XPO1: variants seen among roughly 807,000 people sequenced by gnomAD.
The protein encoded by XPO1 is exportin 1, also known as exportin-1.
XPO1 carries 5 observed loss-of-function variants against 133.3 expected under a neutral mutation model. The observed-to-expected ratio is 0.04, with a 90% CI of 0.02 to 0.08. The LOEUF (loss-of-function observed/expected upper bound fraction) is 0.08, where lower values mean the gene tolerates loss of function less well. XPO1 is among the 10% of genes least tolerant of loss of function. The probability of loss-of-function intolerance (pLI) is 1.00; values close to 1 mark genes in which losing one functional copy is unlikely to be tolerated. For synonymous variants in XPO1, 419 were observed against 408.2 expected (o/e 1.03, Z -0.32); for missense variants, 506 against 1,267.5 (o/e 0.40, Z 9.12).
At chr2:61,513,499 A>G (rs1698199712) in intron 4 of XPO1, among the ~76,000 whole-genome samples, 1 of 150,226 alleles carries the variant, frequency 6.7e-6, no homozygotes, top group African/African-American at 2.5e-5. Context: ...TAATTTTTGT[A>G]TCTTTAGTAG....
chr2:61,495,684 TA>T (rs1316788571), intron 10 of XPO1, 71 bp from the exon 11 acceptor site: 88 of 1,396,374 alleles, frequency 6.3e-5, no homozygotes, highest in Admixed American at 4.8e-5. Flanking sequence ...ATTTTATTAT[TA>T]TTTTTTTGAG....
At chr2:61,486,904 T>G (rs1038932625) in intron 19 of XPO1, among the ~76,000 whole-genome samples, 2 of 152,116 alleles carry the variant, frequency 1.3e-5, no homozygotes, top group Non-Finnish European at 1.5e-5. Context: ...GTGGTTGGGA[T>G]TACAGGTGCA....
chr2:61,525,573 A>T, intron 3 of XPO1: 1 of 1,015,638 alleles, frequency 9.8e-7, no homozygotes, highest in Non-Finnish European at 1.2e-6. Context: ...TTGATAAATC[A>T]ACTTAAACAT....
At chr2:61,482,858 CATA>C in intron 22 of XPO1, 96 bp downstream of exon 22, 1 of 1,451,358 alleles carries the variant, frequency 6.9e-7, no homozygotes, top group Non-Finnish European at 9.4e-7. Flanking sequence ...CTCCTGACCT[CATA>C]ATCTCCCCGC....
intron 4 of XPO1, among the ~76,000 whole-genome samples, chr2:61,519,563 G>C (rs1698581050): frequency 6.6e-6 from 1 of 150,714 alleles, no homozygotes; most frequent in African/African-American, 2.4e-5. Context: ...GCTGGGTGTG[G>C]TGGCGGGTGC....
rs369970189 is a variant in XPO1 at position 61,495,446 on chromosome 2, A to C, written c.1047+9T>G. ...AGAATTTTAGGAGCAAAAGCTCCAC[A>C]TATCTTACCTCCATAAGAGTTTCCC... On this transcript the variant is annotated intron_variant, in intron 11 of 24. Coordinates refer to ENST00000401558, the MANE Select transcript of XPO1 (RefSeq NM_003400.4). 2 of 1,521,906 alleles carry C rather than the reference A, an allele frequency of 1.3e-6. No individual in the cohort carries two copies. The highest frequency in any genetic ancestry group is 1.8e-6 in the Non-Finnish European group (2 of 1,129,316). 94.3% of individuals were successfully genotyped at this position (1,521,906 alleles called of 1,614,324 possible).
intron 6 of XPO1, 137 bp from the exon 7 acceptor site, chr2:61,500,031 A>G: frequency 1.2e-6 from 1 of 865,460 alleles, no homozygotes; most frequent in Non-Finnish European, 1.8e-6. Flanking sequence ...TATTAAAGGA[A>G]GAAATGTGCC....
chr2:61,483,822 A>G (rs1272211364), intron 21 of XPO1, 115 bp downstream of exon 21: 37 of 1,179,906 alleles, frequency 3.1e-5, no homozygotes, highest in Admixed American at 1.5e-4. Flanking sequence ...AGATGTTCAT[A>G]TATGTAATTC....
intron 21 of XPO1, 25 bp from the exon 22 acceptor site, chr2:61,483,116 A>G (rs749635389): frequency 1.8e-5 from 28 of 1,599,760 alleles, no homozygotes; most frequent in Admixed American, 8.7e-5. Flanking sequence ...ATACCAATGG[A>G]AAGTTACTAC....
chr2:61,527,973 C>CT (rs1698980035), intron 2 of XPO1, among the ~76,000 whole-genome samples: 1 of 151,256 alleles, frequency 6.6e-6, no homozygotes, highest in South Asian at 2.1e-4. Flanking sequence ...GTCACCCAGG[C>CT]TGGAGTGCAA....
chr2:61,505,516 T>C (rs1697759593), intron 4 of XPO1, among the ~76,000 whole-genome samples: 1 of 151,854 alleles, frequency 6.6e-6, no homozygotes, highest in Non-Finnish European at 1.5e-5. Flanking sequence ...CTCAGCCTCC[T>C]GAGTACCCTG....
chr2:61,537,055 G>A (rs372238316), intron 1 of XPO1: 5 of 152,226 alleles, frequency 3.3e-5, no homozygotes, highest in African/African-American at 1.2e-4. Context: ...GAGCTTTCGA[G>A]TTTCCTTGCT....
At chr2:61,521,997 A>C (rs1573209063) in intron 4 of XPO1, among the ~76,000 whole-genome samples, 1 of 151,622 alleles carries the variant, frequency 6.6e-6, no homozygotes, top group African/African-American at 2.4e-5. Flanking sequence ...GCCTTAAATG[A>C]CCCTCCCACT....
chr2:61,506,598 C>CAAAA (rs71405128), intron 4 of XPO1, among the ~76,000 whole-genome samples: 3 of 81,418 alleles, frequency 3.7e-5, no homozygotes, highest in African/African-American at 1.0e-4. Context: ...GATTCCGTCT[C>CAAAA]AAAAAAAAAA....
intron 6 of XPO1, among the ~76,000 whole-genome samples, chr2:61,500,978 T>C (rs993548316): frequency 1.3e-5 from 2 of 152,162 alleles, no homozygotes; most frequent in African/African-American, 4.8e-5. Context: ...GAATAAACTT[T>C]TAACCAAAAG....
At chr2:61,491,969 T>C (rs1020508044) in intron 16 of XPO1, 66 bp downstream of exon 16, 37 of 1,552,716 alleles carry the variant, frequency 2.4e-5, no homozygotes, top group Middle Eastern at 1.9e-4. Context: ...CCTATTTCCA[T>C]TGATACATAC....
intron 4 of XPO1, among the ~76,000 whole-genome samples, chr2:61,516,728 TATCA>T (rs1310709756): frequency 6.6e-6 from 1 of 151,922 alleles, no homozygotes; most frequent in Non-Finnish European, 1.5e-5. Context: ...AGTAAGTTTT[TATCA>T]ATCAATGAAA....
intron 17 of XPO1, among the ~76,000 whole-genome samples, chr2:61,490,400 T>C (rs1334226138): frequency 6.6e-6 from 1 of 151,724 alleles, no homozygotes; most frequent in African/African-American, 2.4e-5. Context: ...GGTTTTGCCA[T>C]GTTGGCCAGG....
rs757579332 is a variant in XPO1, at chr2:61,496,978, G to A, written c.789C>T (p.Val263=). ...CAATCTCAGTGAGGCACTTCAGAGA[G>A]ACATTTCGAAACATTGGAACATTCA... ...KFLNVPMFRN[V]SLKCLTEIAG... is the part of the protein sequence containing the mutation. Residue 263 remains valine (V), a synonymous_variant, in exon 10 of 25, where the codon GTC becomes GTT. Transcript: ENST00000401558. 3.1e-6 allele frequency: 5 copies of A among 1,613,016 alleles called. No individual in the cohort carries two copies. The African/African-American group carries it at 6.7e-5, about 22-fold the overall frequency.
Sources: gnomAD v4.1 joint callset for allele counts (sites outside exome capture counted in the v4.1 genomes callset) on GRCh38, gnomAD v4.1.1 for gene constraint, MANE v1.5 for transcripts, NCBI Gene and HGNC (gene_info 2026-07-23, HGNC 2026-07-21) for gene names.